KCNQ1OT1: variants seen among roughly 807,000 people sequenced by gnomAD.
KCNQ1OT1 encodes KCNQ1 opposite strand/antisense transcript 1.
chr11:2,677,911 G>T lies in KCNQ1OT1; in HGVS notation n.22084C>A, dbSNP rs749906147. 13 of 398,280 alleles carry T rather than the reference G, an allele frequency of 3.3e-5. No individual in the cohort carries two copies. The highest frequency in any genetic ancestry group is 5.3e-5 in the Non-Finnish European group (12 of 226,020). 24.7% of individuals were successfully genotyped at this position (398,280 alleles called of 1,614,324 possible). On this transcript the variant is annotated non_coding_transcript_exon_variant, in exon 1 of 1. Transcript: ENST00000597346. This position sits in a 1 kb window ranked among gnomAD's most constrained non-coding sequence, Gnocchi z 4.5. ...CCCACCCTTACCAAGTGTATACTCA[G>T]GTTTTTATCTTCATTCATTTCATAG...
In KCNQ1OT1 at chr11:2,647,687, T is replaced by C. The variant is rs993774592; in HGVS notation, n.52308A>G. 7.5e-6 allele frequency: 3 copies of C among 398,480 alleles called. No homozygotes were observed. Among genetic ancestry groups the C allele is most frequent in the African/African-American group, 6.2e-5 (3 of 48,638 alleles). 24.7% of individuals were successfully genotyped at this position (398,480 alleles called of 1,614,324 possible). Reference sequence around the variant, plus strand: ...ACAATCTCATTCCTTGTTATTGCTCTGTTCAGATTTTTTTTCTTCCTGGTT... The same window carrying C: ...ACAATCTCATTCCTTGTTATTGCTCCGTTCAGATTTTTTTTCTTCCTGGTT... On this transcript the variant is annotated non_coding_transcript_exon_variant, in exon 1 of 1. Coordinates refer to ENST00000597346, the Ensembl canonical transcript of KCNQ1OT1. This position sits in a 1 kb window ranked among gnomAD's most constrained non-coding sequence, Gnocchi z 4.0.
exon 1 of KCNQ1OT1, chr11:2,614,830 C>A (rs964273310): frequency 2.0e-5 from 8 of 398,320 alleles, no homozygotes; most frequent in Non-Finnish European, 3.5e-5. Flanking sequence ...AGGCCTGAGT[C>A]TTCCAACTTT....
chr11:2,688,824 A>G (rs780623785), exon 1 of KCNQ1OT1: 21 of 398,760 alleles, frequency 5.3e-5, no homozygotes, highest in Admixed American at 1.8e-4. Context: ...CCCATCCCAC[A>G]AAGAGAGATG....
At position 2,623,583 on chromosome 11, in the gene KCNQ1OT1, C is replaced by CT. The variant is rs1370021741; in HGVS notation, n.76411dup. The CT allele has an allele frequency of 2.5e-6, 1 of 398,412 alleles. No homozygotes were observed. The highest frequency in any genetic ancestry group is 3.6e-5 in the East Asian group (1 of 28,074). The allele number at this position is 398,412 out of a possible 1,614,324, so 24.7% of individuals were successfully genotyped here. Reference sequence around the variant, plus strand: ...ATATGTTTTTTAATTACCTCCATATCTTTTCATGGCTTGATAGCTCATTTC... The same window carrying CT: ...ATATGTTTTTTAATTACCTCCATATCTTTTTCATGGCTTGATAGCTCATTTC... On this transcript the variant is annotated non_coding_transcript_exon_variant, in exon 1 of 1. Transcript: ENST00000597346. This position sits in a 1 kb window ranked among gnomAD's most constrained non-coding sequence, Gnocchi z 5.2.
chr11:2,627,573 A>G lies in KCNQ1OT1; in HGVS notation n.72422T>C, dbSNP rs1038978021. ...AGTATTTGTCTTTCTGTGTCTGGCT[A>G]TTTCACTTAGCATAATATCCTCCAG... On this transcript the variant is annotated non_coding_transcript_exon_variant, in exon 1 of 1. Transcript: ENST00000597346. This position sits in a 1 kb window ranked among gnomAD's most constrained non-coding sequence, Gnocchi z 4.9. The G allele has an allele frequency of 4.0e-5, 16 of 398,228 alleles. No homozygotes were observed. In the Admixed American group the frequency reaches 5.3e-4, roughly 13 times the overall value. 24.7% of individuals were successfully genotyped at this position (398,228 alleles called of 1,614,324 possible). A position where few individuals can be genotyped will look rare whatever the true frequency, so the allele number is the denominator to read the frequency against.
exon 1 of KCNQ1OT1, chr11:2,697,697 C>T (rs1590038988): frequency 2.5e-6 from 1 of 398,558 alleles, no homozygotes; most frequent in Non-Finnish European, 4.4e-6. Flanking sequence ...ATTGGATCAT[C>T]TTTGCATTCC....
exon 1 of KCNQ1OT1, chr11:2,680,624 A>G (rs765746896): frequency 4.5e-5 from 18 of 398,474 alleles, no homozygotes; most frequent in Non-Finnish European, 8.0e-5. Context: ...CTGTAGTACA[A>G]TATTCTGACC....
In KCNQ1OT1 at chr11:2,670,370, A is replaced by C; in HGVS notation, n.29625T>G. 2.5e-6 allele frequency: 1 copy of C among 398,496 alleles called. No homozygotes were observed. The highest frequency in any genetic ancestry group is 4.4e-6 in the Non-Finnish European group (1 of 226,056). 24.7% of individuals were successfully genotyped at this position (398,496 alleles called of 1,614,324 possible). A position where few individuals can be genotyped will look rare whatever the true frequency, so the allele number is the denominator to read the frequency against. On this transcript the variant is annotated non_coding_transcript_exon_variant, in exon 1 of 1. Coordinates refer to ENST00000597346, the Ensembl canonical transcript of KCNQ1OT1. This position sits in a 1 kb window ranked among gnomAD's most constrained non-coding sequence, Gnocchi z 4.9. ...GCTTTCAGATGGTTAGTATAGGCTG[A>C]AATTCCAAGAGCATTAACCAGACAC...
chr11:2,640,470 G>C (rs571818938), exon 1 of KCNQ1OT1: 61 of 398,332 alleles, frequency 1.5e-4, no homozygotes, highest in African/African-American at 9.7e-4. Flanking sequence ...ATTTTTTGTA[G>C]AGACAGGGTC....
At position 2,640,745 on chromosome 11, in the gene KCNQ1OT1, C is replaced by G. The variant is rs947618450; in HGVS notation, n.59250G>C. ...TATACATTATATTGTTAAATATAGT[C>G]AACCAACTCTTATCAAACATTATAA... On this transcript the variant is annotated non_coding_transcript_exon_variant, in exon 1 of 1. Transcript: ENST00000597346. 1.5e-5 allele frequency: 6 copies of G among 398,298 alleles called. No individual in the cohort carries two copies. The Admixed American group carries it at 2.6e-4, about 18-fold the overall frequency. The allele number at this position is 398,298 out of a possible 1,614,324, so 24.7% of individuals were successfully genotyped here. A position where few individuals can be genotyped will look rare whatever the true frequency, so the allele number is the denominator to read the frequency against.
chr11:2,615,975 C>T (rs1266154424), exon 1 of KCNQ1OT1: 6 of 398,032 alleles, frequency 1.5e-5, no homozygotes, highest in African/African-American at 8.2e-5. Flanking sequence ...TCAACAGTGA[C>T]GCCATCTGTG....
chr11:2,680,409 A>T, exon 1 of KCNQ1OT1: 1 of 398,236 alleles, frequency 2.5e-6, no homozygotes, highest in Non-Finnish European at 4.4e-6. Context: ...ATTTTTTTAG[A>T]TCTTTGTATG....
rs953432232 is a variant in KCNQ1OT1 at position 2,645,768 on chromosome 11, G to A, written n.54227C>T. ...CTCCAGGGATGAGATAGAGGGATGTGGGGCCCACAGCAGATGCAGTCTGGT... is the reference window on the plus strand; with the variant it reads ...CTCCAGGGATGAGATAGAGGGATGTAGGGCCCACAGCAGATGCAGTCTGGT... On this transcript the variant is annotated non_coding_transcript_exon_variant, in exon 1 of 1. Coordinates refer to ENST00000597346, the Ensembl canonical transcript of KCNQ1OT1. The surrounding 1 kb of genome is among the most constrained non-coding windows in gnomAD (Gnocchi z 5.8). 2 of 398,620 alleles carry A rather than the reference G, an allele frequency of 5.0e-6. No individual in the cohort carries two copies. Among genetic ancestry groups the A allele is most frequent in the Non-Finnish European group, 8.8e-6 (2 of 226,206 alleles). The allele number at this position is 398,620 out of a possible 1,614,324, so 24.7% of individuals were successfully genotyped here.
exon 1 of KCNQ1OT1, chr11:2,675,623 C>G (rs989762177): frequency 2.5e-6 from 1 of 398,484 alleles, no homozygotes; most frequent in Non-Finnish European, 4.4e-6. Flanking sequence ...TGGAGAGCAC[C>G]CCTTATTAGA....
exon 1 of KCNQ1OT1, chr11:2,618,473 G>A (rs1374194394): frequency 5.0e-6 from 2 of 398,496 alleles, no homozygotes; most frequent in East Asian, 7.1e-5. Context: ...TTTCTGCATT[G>A]TTTTCTTCGT....
exon 1 of KCNQ1OT1, chr11:2,672,115 T>C (rs1302692005): frequency 2.5e-6 from 1 of 398,666 alleles, no homozygotes; most frequent in Admixed American, 4.4e-5. Context: ...GGGACCTTTC[T>C]TCTCCCACCT....
At chr11:2,640,107 C>T (rs978897875) in exon 1 of KCNQ1OT1, 1 of 286,170 alleles carries the variant, frequency 3.5e-6, no homozygotes, top group Non-Finnish European at 6.4e-6. Flanking sequence ...CCGTCTGTCA[C>T]CCCTTCCGTT....
chr11:2,650,909 G>C, exon 1 of KCNQ1OT1: 1 of 398,636 alleles, frequency 2.5e-6, no homozygotes, highest in Non-Finnish European at 4.4e-6. Context: ...TTTTCTCCAA[G>C]CCTGGCTGAA....
chr11:2,699,628 A>G, exon 1 of KCNQ1OT1: 1 of 352,344 alleles, frequency 2.8e-6, no homozygotes. Flanking sequence ...AACCGCGCCG[A>G]AGAACCCCCG....
Sources: gnomAD v4.1 joint callset for allele counts on GRCh38, gnomAD v4.1.1 for gene constraint, Gnocchi (gnomAD v3.1) non-coding constraint, MANE v1.5 for transcripts, NCBI Gene and HGNC (gene_info 2026-07-23, HGNC 2026-07-21) for gene names.